Variants in CDH13 observed in about 807,000 individuals in gnomAD.
CDH13 encodes the protein cadherin 13.
Under a neutral mutation model 63.8 loss-of-function variants are expected in CDH13, and 24 were observed. That is an observed-to-expected ratio of 0.38 (90% confidence interval 0.27 to 0.53). The LOEUF is 0.53. CDH13 is among the 20% of genes least tolerant of loss of function. The pLI, the probability that CDH13 is intolerant of heterozygous loss-of-function variation, is 0.85. For synonymous variants in CDH13, 503 were observed against 355.3 expected, an observed-to-expected ratio of 1.42 and a Z score of -4.67; for missense variants, 1,049 against 903.1, an observed-to-expected ratio of 1.16 and a Z score of -2.07.
chr16:83,511,647 T>A (rs2074569100), intron 7 of CDH13, among the ~76,000 whole-genome samples: 1 of 152,106 alleles, frequency 6.6e-6, no homozygotes. Flanking sequence ...GCAGTAAAAA[T>A]TCTGATATGA....
At chr16:82,957,443 A>G (rs185476615) in intron 2 of CDH13, among the ~76,000 whole-genome samples, 21 of 152,338 alleles carry the variant, frequency 1.4e-4, no homozygotes, top group Non-Finnish European at 1.5e-5. Context: ...AATGTCAGAT[A>G]TTGGAAGTTC....
At chr16:82,839,385 A>G (rs538681630) in intron 1 of CDH13, among the ~76,000 whole-genome samples, 1 of 152,152 alleles carries the variant, frequency 6.6e-6, no homozygotes, top group African/African-American at 2.4e-5. Flanking sequence ...TCCTGCGTCC[A>G]TCTCTTGTCA....
At chr16:82,705,826 A>G (rs1172252043) in intron 1 of CDH13, among the ~76,000 whole-genome samples, 1 of 152,214 alleles carries the variant, frequency 6.6e-6, no homozygotes, top group African/African-American at 2.4e-5. Context: ...GCAATGTATC[A>G]CGCATTCTCT....
intron 4 of CDH13, among the ~76,000 whole-genome samples, chr16:83,172,515 C>G (rs1254214275): frequency 1.3e-5 from 2 of 151,678 alleles, no homozygotes; most frequent in African/African-American, 4.8e-5. Context: ...GCTAAAAACA[C>G]AAAATAACAG....
At chr16:82,658,083 T>G (rs1911505611) in intron 1 of CDH13, among the ~76,000 whole-genome samples, 1 of 152,242 alleles carries the variant, frequency 6.6e-6, no homozygotes, top group Admixed American at 6.5e-5. Context: ...TGAAGAAGTT[T>G]CTGTCTGTTA....
chr16:83,016,557 C>T (rs952113285), intron 2 of CDH13, among the ~76,000 whole-genome samples: 5 of 152,152 alleles, frequency 3.3e-5, no homozygotes, highest in African/African-American at 4.8e-5. Context: ...TGGCCTTCTG[C>T]AGTCTGCTGC....
intron 1 of CDH13, among the ~76,000 whole-genome samples, chr16:82,713,586 A>C (rs898673262): frequency 1.3e-5 from 2 of 152,176 alleles, no homozygotes; most frequent in African/African-American, 2.4e-5. Flanking sequence ...AAAGATAAAA[A>C]GATGATTGCA....
chr16:83,231,470 C>T (rs1460281073), intron 5 of CDH13, among the ~76,000 whole-genome samples: 3 of 152,164 alleles, frequency 2.0e-5, no homozygotes, highest in Non-Finnish European at 4.4e-5. Flanking sequence ...GAGTGGCTGT[C>T]CTTTGAGGTA....
In CDH13 at chr16:83,787,411, C is replaced by A. The variant is rs148843442; in HGVS notation, c.2134+3939C>A. Among the ~76,000 whole-genome samples, 4 of 152,322 alleles carry A rather than the reference C, an allele frequency of 2.6e-5. No homozygotes were observed. In the East Asian group the frequency reaches 5.8e-4, roughly 22 times the overall value. On this transcript the variant is annotated intron_variant, in intron 13 of 13. Transcript: ENST00000567109. ...CACGGACTTGAGGTTAGAGTCAGCC[C>A]ACAGCGTTCCTTGGCTGAACCCCGC... is the stretch of plus-strand genomic sequence containing the variant.
chr16:82,853,325 T>C (rs948809339), intron 1 of CDH13, among the ~76,000 whole-genome samples: 1 of 152,210 alleles, frequency 6.6e-6, no homozygotes, highest in African/African-American at 2.4e-5. Flanking sequence ...ACAACAAAAG[T>C]AATAATATGT....
rs1909759196 is a variant in CDH13 at position 82,644,025 on chromosome 16, A to C, written c.45+16888A>C. ...GTAGCTGGCATTACAGGCTTGGCTG[A>C]CTTTTAAAAGTAGTAAGTGGTTTAG... On this transcript the variant is annotated intron_variant, in intron 1 of 13. Transcript: ENST00000567109. The surrounding 1 kb of genome is among the most constrained non-coding windows in gnomAD (Gnocchi z 5.7). Among the ~76,000 whole-genome samples the C allele has an allele frequency of 6.6e-6, 1 of 152,064 alleles. No individual in the cohort carries two copies. Among genetic ancestry groups the C allele is most frequent in the Non-Finnish European group, 1.5e-5 (1 of 68,010 alleles).
intron 3 of CDH13, among the ~76,000 whole-genome samples, chr16:83,064,672 T>G (rs987792163): frequency 2.6e-5 from 4 of 152,216 alleles, no homozygotes; most frequent in Non-Finnish European, 4.4e-5. Flanking sequence ...GACTAGCCAA[T>G]TTCTTTTTGA....
intron 1 of CDH13, among the ~76,000 whole-genome samples, chr16:82,854,264 G>C (rs1157085940): frequency 6.6e-6 from 1 of 152,008 alleles, no homozygotes; most frequent in Non-Finnish European, 1.5e-5. Context: ...AGCTAGGCGT[G>C]GTGGCTGGCA....
chr16:83,377,826 G>A (rs531623389), intron 6 of CDH13, among the ~76,000 whole-genome samples: 3 of 152,234 alleles, frequency 2.0e-5, no homozygotes, highest in Non-Finnish European at 2.9e-5. Context: ...GTGTTATCTG[G>A]TAGAAAGACC....
At position 82,775,519 on chromosome 16, in the gene CDH13, G is replaced by A. The variant is rs189729978; in HGVS notation, c.46-82843G>A. ...GACACCTTGGAAAGATGAGCTAAGC[G>A]TTTAAAACCTGTTGGCTCATTTATG... On this transcript the variant is annotated intron_variant, in intron 1 of 13. Coordinates refer to ENST00000567109, the MANE Select transcript of CDH13 (RefSeq NM_001257.5). Among the ~76,000 whole-genome samples the A allele has an allele frequency of 1.5e-4, 23 of 152,282 alleles. No homozygotes were observed. The South Asian group carries it at 2.3e-3, about 15-fold the overall frequency.
chr16:83,602,156 T>C (rs1247435387), intron 7 of CDH13, among the ~76,000 whole-genome samples: 1 of 66,744 alleles, frequency 1.5e-5, no homozygotes, highest in African/African-American at 5.4e-5. Flanking sequence ...CAAAGGACAA[T>C]GTATACCCAA....
intron 2 of CDH13, among the ~76,000 whole-genome samples, chr16:82,961,792 A>G (rs1597304620): frequency 6.6e-6 from 1 of 152,126 alleles, no homozygotes; most frequent in Admixed American, 6.5e-5. Flanking sequence ...TGCAGAGGAT[A>G]AAAGGAAATG....
intron 12 of CDH13, among the ~76,000 whole-genome samples, chr16:83,781,515 T>A (rs1341741943): frequency 6.6e-6 from 1 of 152,202 alleles, no homozygotes; most frequent in South Asian, 2.1e-4. Flanking sequence ...AAATCTCATA[T>A]CTATTGTTAT....
At chr16:82,787,632 T>C (rs777152671) in intron 1 of CDH13, among the ~76,000 whole-genome samples, 2 of 152,196 alleles carry the variant, frequency 1.3e-5, no homozygotes, top group Non-Finnish European at 2.9e-5. Context: ...ATTATTGTCC[T>C]AAATGGACAG....
Sources: allele counts gnomAD v4.1 joint callset (sites outside exome capture counted in the v4.1 genomes callset), GRCh38; gene constraint gnomAD v4.1.1; non-coding constraint Gnocchi (gnomAD v3.1); transcripts MANE v1.5; gene names NCBI Gene and HGNC (gene_info 2026-07-23, HGNC 2026-07-21).